SSBP3: variants seen among roughly 807,000 people sequenced by gnomAD.
SSBP3 encodes the protein single-stranded DNA-binding protein 3.
Under a neutral mutation model 69.6 loss-of-function variants are expected in SSBP3, and 5 were observed. The ratio of observed to expected loss-of-function variants is 0.07; its 90% CI spans 0.04 to 0.15. The LOEUF is 0.15. Ranked by LOEUF, SSBP3 falls within the 10% of genes least tolerant of loss-of-function variation. The probability of loss-of-function intolerance (pLI) is 1.00; values close to 1 mark genes in which losing one functional copy is unlikely to be tolerated. For missense variants in SSBP3, 312 were observed against 534.0 expected (o/e 0.58, Z 4.10); for synonymous variants, 196 against 193.4 (o/e 1.01, Z -0.11).
chr1:54,310,611 G>A (rs1040488040), intron 4 of SSBP3, among the ~76,000 whole-genome samples: 10 of 140,668 alleles, frequency 7.1e-5, no homozygotes, highest in African/African-American at 2.3e-4. Context: ...CACCCTCACA[G>A]TTTTAATTGG....
At chr1:54,391,708 A>T (rs532821632) in intron 4 of SSBP3, among the ~76,000 whole-genome samples, 49 of 152,352 alleles carry the variant, frequency 3.2e-4, no homozygotes, top group Admixed American at 9.2e-4. Context: ...AGAGCAGGGG[A>T]CACAAAACCT....
chr1:54,251,316 C>T (rs899566200), intron 9 of SSBP3, among the ~76,000 whole-genome samples: 9 of 152,178 alleles, frequency 5.9e-5, no homozygotes, highest in Non-Finnish European at 1.3e-4. Context: ...TCTTCAGACC[C>T]CATGATAGGC....
rs1644544826 is a variant in SSBP3, at chr1:54,238,648, T to C, written c.927+481A>G. ...CTGCAACTCTGAGAGGCAAAGAAGC[T>C]GCCAGGTATTGGGAGTTCCAGAGCT... On this transcript the variant is annotated intron_variant, in intron 14 of 17. Coordinates refer to ENST00000610401, the Ensembl canonical transcript of SSBP3. 9.5e-6 allele frequency: 3 copies of C among 314,910 alleles called. No homozygotes were observed. In the South Asian group the frequency reaches 9.5e-5, roughly 10 times the overall value. 19.5% of individuals were successfully genotyped at this position (314,910 alleles called of 1,614,324 possible).
intron 14 of SSBP3, among the ~76,000 whole-genome samples, chr1:54,233,379 C>A (rs1315272359): frequency 1.3e-5 from 2 of 151,162 alleles, no homozygotes; most frequent in African/African-American, 2.4e-5. Context: ...AGCCCCTCTG[C>A]CCGGCAGCTG....
At chr1:54,257,897 A>C (rs2100748360) in intron 6 of SSBP3, among the ~76,000 whole-genome samples, 172 bp downstream of exon 6, 1 of 152,366 alleles carries the variant, frequency 6.6e-6, no homozygotes, top group Admixed American at 6.5e-5. Flanking sequence ...GTGATATCCG[A>C]GGACTGAAGA....
At chr1:54,248,576 G>A (rs1644771869) in intron 9 of SSBP3, among the ~76,000 whole-genome samples, 1 of 152,092 alleles carries the variant, frequency 6.6e-6, no homozygotes, top group Admixed American at 6.6e-5. Flanking sequence ...AATGGCCTAG[G>A]GAACAGGGAG....
intron 4 of SSBP3, among the ~76,000 whole-genome samples, chr1:54,307,302 C>T (rs539004220): frequency 2.0e-5 from 3 of 152,298 alleles, no homozygotes; most frequent in African/African-American, 7.2e-5. Flanking sequence ...CCCAAAACAG[C>T]TCCAGGTCAC....
chr1:54,285,863 G>C (rs1475985815), intron 4 of SSBP3, among the ~76,000 whole-genome samples: 2 of 152,200 alleles, frequency 1.3e-5, no homozygotes, highest in Non-Finnish European at 2.9e-5. Flanking sequence ...TCAGAAGCTA[G>C]AGATCTCCTA....
intron 7 of SSBP3, among the ~76,000 whole-genome samples, chr1:54,253,227 T>C (rs1474540253): frequency 6.7e-6 from 1 of 149,464 alleles, no homozygotes; most frequent in Non-Finnish European, 1.5e-5. Flanking sequence ...TCGCTTGCTC[T>C]GTTGCCCAGG....
chr1:54,352,827 T>C (rs1488749099), intron 4 of SSBP3, among the ~76,000 whole-genome samples: 1 of 152,166 alleles, frequency 6.6e-6, no homozygotes, highest in Admixed American at 6.5e-5. Context: ...GTCATGTTTT[T>C]CCCACTCTAA....
chr1:54,406,757 C>A (rs1649808366), upstream of SSBP3, among the ~76,000 whole-genome samples: 1 of 151,830 alleles, frequency 6.6e-6, no homozygotes, highest in African/African-American at 2.4e-5. Flanking sequence ...GGCGCTGCGG[C>A]AGCGTCCGAT....
intron 4 of SSBP3, among the ~76,000 whole-genome samples, chr1:54,327,513 C>G (rs902893177): frequency 1.3e-5 from 2 of 152,264 alleles, no homozygotes; most frequent in African/African-American, 4.8e-5. Flanking sequence ...ACAGAATTTT[C>G]AAGTCAAATG....
intron 4 of SSBP3, among the ~76,000 whole-genome samples, chr1:54,342,259 C>T (rs971935118): frequency 3.9e-5 from 6 of 152,256 alleles, no homozygotes; most frequent in Non-Finnish European, 8.8e-5. Flanking sequence ...GTTTGCTCCA[C>T]TCCTGCCCCC....
chr1:54,260,904 G>T (rs1294567021), intron 5 of SSBP3, among the ~76,000 whole-genome samples: 1 of 152,222 alleles, frequency 6.6e-6, no homozygotes, highest in Non-Finnish European at 1.5e-5. Flanking sequence ...CTTGACAGAG[G>T]CCAAGCTAAA....
chr1:54,232,635 C>A (rs1431493236), intron 14 of SSBP3, among the ~76,000 whole-genome samples: 3 of 152,140 alleles, frequency 2.0e-5, no homozygotes, highest in Non-Finnish European at 4.4e-5. Context: ...GTCTCCCTCT[C>A]ATGCGGAGCC....
At chr1:54,316,108 GC>G (rs1646092597) in intron 4 of SSBP3, among the ~76,000 whole-genome samples, 1 of 151,906 alleles carries the variant, frequency 6.6e-6, no homozygotes, top group Admixed American at 6.6e-5. Context: ...ACTTTGGGAG[GC>G]TGAGGCGGGA....
intron 4 of SSBP3, among the ~76,000 whole-genome samples, chr1:54,383,113 C>G (rs1459112877): frequency 6.6e-6 from 1 of 152,020 alleles, no homozygotes; most frequent in African/African-American, 2.4e-5. Flanking sequence ...GTGGCTCATG[C>G]CTGTAATCCC....
chr1:54,401,875 C>T, exon 4 of SSBP3: 2 of 1,613,692 alleles, frequency 1.2e-6, no homozygotes, highest in Non-Finnish European at 1.7e-6. Flanking sequence ...TCATGAAAGG[C>T]TTTTGCTTCA....
intron 4 of SSBP3, among the ~76,000 whole-genome samples, chr1:54,390,860 CAG>C (rs1648437674): frequency 6.6e-6 from 1 of 152,182 alleles, no homozygotes; most frequent in Admixed American, 6.5e-5. Context: ...GAAGAGCCTC[CAG>C]AGAGAGGAGA....
Sources: allele counts gnomAD v4.1 joint callset (sites outside exome capture counted in the v4.1 genomes callset), GRCh38; gene constraint gnomAD v4.1.1; transcripts MANE v1.5; gene names NCBI Gene and HGNC (gene_info 2026-07-23, HGNC 2026-07-21).